GORAB: variants seen among roughly 807,000 people sequenced by gnomAD.
GORAB encodes the protein golgin, RAB6 interacting.
Under a neutral mutation model 29.9 loss-of-function variants are expected in GORAB, and 17 were observed. That is an observed-to-expected ratio of 0.57 (90% CI 0.39 to 0.85). The LOEUF (loss-of-function observed/expected upper bound fraction) is 0.85. Among genes scored for constraint, GORAB ranks in the 40% least tolerant of loss-of-function variants. GORAB has a pLI of 0.00. For missense variants in GORAB, 442 were observed against 437.8 expected (o/e 1.01, Z -0.09); for synonymous variants, 183 against 157.2 (o/e 1.16, Z -1.23).
chr1:170,548,267 T>A (rs1649882760), intron 4 of GORAB, among the ~76,000 whole-genome samples: 1 of 152,268 alleles, frequency 6.6e-6, no homozygotes, highest in South Asian at 2.1e-4. Flanking sequence ...TTTTCTTCTC[T>A]CTCTAAACTT....
chr1:170,551,353 A>G lies in GORAB; in HGVS notation c.663-662A>G, dbSNP rs1201593940. Reference sequence around the variant, plus strand: ...GCATATAGCTATCCTGAGGTTTTCTACTTGATGTTTACTTCTTGCCCTCAC... The same window carrying G: ...GCATATAGCTATCCTGAGGTTTTCTGCTTGATGTTTACTTCTTGCCCTCAC... On this transcript the variant is annotated intron_variant, in intron 4 of 4. Transcript: ENST00000367763. 3.3e-5 allele frequency among the ~76,000 whole-genome samples: 5 copies of G among 152,182 alleles called. No individual in the cohort carries two copies. The South Asian group carries it at 8.3e-4, about 25-fold the overall frequency.
intron 2 of GORAB, among the ~76,000 whole-genome samples, chr1:170,540,602 C>G (rs921392748): frequency 6.6e-6 from 1 of 152,172 alleles, no homozygotes; most frequent in Non-Finnish European, 1.5e-5. Flanking sequence ...CTATATTGAA[C>G]AAGTGCATAC....
At chr1:170,537,795 G>A (rs1168809642) in intron 1 of GORAB, among the ~76,000 whole-genome samples, 4 of 151,002 alleles carry the variant, frequency 2.6e-5, no homozygotes, top group African/African-American at 9.9e-5. Context: ...GGCCTGATTT[G>A]CTTATTGTTT....
chr1:170,551,524 T>G (rs1180908365), intron 4 of GORAB, among the ~76,000 whole-genome samples: 6 of 152,216 alleles, frequency 3.9e-5, no homozygotes, highest in Non-Finnish European at 4.4e-5. Context: ...CTTGTCTGTC[T>G]TCTCATAAAT....
intron 4 of GORAB, among the ~76,000 whole-genome samples, chr1:170,550,283 G>A (rs1217150564): frequency 6.6e-6 from 1 of 152,218 alleles, no homozygotes; most frequent in African/African-American, 2.4e-5. Flanking sequence ...GATGAGCCGG[G>A]CAAACCTATG....
At position 170,551,921 on chromosome 1, in the gene GORAB, C is replaced by T. The variant is rs796860188; in HGVS notation, c.663-94C>T. ...CGTATCTTCATTATATATTTTTTCC[C>T]AATTTTGGAGTTGAGTTATTGTTTC... On this transcript the variant is annotated intron_variant, in intron 4 of 4. Transcript: ENST00000367763. The T allele has an allele frequency of 5.5e-6, 6 of 1,089,778 alleles. No individual in the cohort carries two copies. In the African/African-American group the frequency reaches 7.8e-5, roughly 14 times the overall value. The allele number at this position is 1,089,778 out of a possible 1,614,324, so 67.5% of individuals were successfully genotyped here.
chr1:170,536,485 A>G (rs1313323680), intron 1 of GORAB: 1 of 152,234 alleles, frequency 6.6e-6, no homozygotes, highest in Admixed American at 6.5e-5. Flanking sequence ...TGTATTGAAG[A>G]GAAAGTGCAT....
chr1:170,537,643 T>C (rs897732630), intron 1 of GORAB, among the ~76,000 whole-genome samples: 1 of 152,216 alleles, frequency 6.6e-6, no homozygotes, highest in Non-Finnish European at 1.5e-5. Context: ...GACCTAAATT[T>C]TTTAATGATA....
Position 170,552,352 on chromosome 1 carries a change from G to C in GORAB, c.1000G>C (p.Val334Leu), listed in dbSNP as rs766701639. 12 of 1,614,002 alleles carry C rather than the reference G, an allele frequency of 7.4e-6. No individual in the cohort carries two copies. Residue 334 changes from valine to leucine, a missense_variant, in exon 5 of 5, where the codon GTT (valine) becomes CTT (leucine). Transcript: ENST00000367763. ...KENRKCQEQA[V>L]SPKVDDQCGN... ...GAACAGAAAGTGTCAAGAACAAGCT[G>C]TTTCCCCAAAGGTAGATGACCAGTG...
intron 2 of GORAB, among the ~76,000 whole-genome samples, chr1:170,540,620 T>C (rs1649356710): frequency 6.6e-6 from 1 of 152,228 alleles, no homozygotes; most frequent in South Asian, 2.1e-4. Flanking sequence ...TACATTAAAG[T>C]GTCTCTAAGT....
intron 1 of GORAB, chr1:170,536,215 T>G (rs1367952758): frequency 6.6e-6 from 1 of 152,196 alleles, no homozygotes; most frequent in Non-Finnish European, 1.5e-5. Context: ...TTTTGTTAGA[T>G]TTGTTCCTAG....
intron 4 of GORAB, among the ~76,000 whole-genome samples, chr1:170,548,348 C>CCT (rs76021675): frequency 0.98 from 149,574 of 152,332 alleles, 73,439 homozygotes; most frequent in East Asian, 1. Flanking sequence ...GGAATAAACT[C>CCT]CTCAAAACCT....
chr1:170,538,348 G>T (rs1393383281), intron 1 of GORAB, among the ~76,000 whole-genome samples: 1 of 152,126 alleles, frequency 6.6e-6, no homozygotes, highest in Admixed American at 6.5e-5. Flanking sequence ...TCATTTACAA[G>T]AACTGATAAC....
intron 4 of GORAB, among the ~76,000 whole-genome samples, chr1:170,550,954 A>G (rs1650065717): frequency 6.6e-6 from 1 of 152,210 alleles, no homozygotes; most frequent in Non-Finnish European, 1.5e-5. Flanking sequence ...AATGCAGAAG[A>G]AAAAAAGTGA....
At position 170,552,393 on chromosome 1, in the gene GORAB, C is replaced by T. The variant is rs745604210; in HGVS notation, c.1041C>T (p.Ser347=). 3 of 1,613,992 alleles carry T rather than the reference C, an allele frequency of 1.9e-6. No individual in the cohort carries two copies. Among genetic ancestry groups the T allele is most frequent in the Admixed American group, 1.7e-5 (1 of 60,006 alleles). The stretch of plus-strand genomic sequence containing the variant: ...ATGACCAGTGTGGAAATTCCAGTAG[C>T]ATCCCCTTTCTTAGTCCAAACTGCC... ...KVDDQCGNSS[S]IPFLSPNCPN... Residue 347 remains serine, a synonymous_variant, in exon 5 of 5, where the codon AGC becomes AGT. Transcript: ENST00000367763.
At position 170,552,982 on chromosome 1, in the gene GORAB, C is replaced by T. The variant is rs1327969535; in HGVS notation, c.*520C>T. 2.2e-6 allele frequency: 1 copy of T among 452,610 alleles called. No homozygotes were observed. The highest frequency in any genetic ancestry group is 4.4e-6 in the Non-Finnish European group (1 of 226,434). 28.0% of individuals were successfully genotyped at this position (452,610 alleles called of 1,614,324 possible). On this transcript the variant is annotated 3_prime_UTR_variant, in exon 5 of 5. Transcript: ENST00000367763. ...TCTGGATATTACTAGAGTTGTAAAA[C>T]ACAACTTGGAAACTGGAATTTATGT...
intron 4 of GORAB, among the ~76,000 whole-genome samples, chr1:170,546,981 G>T (rs925876944): frequency 1.4e-4 from 21 of 152,156 alleles, no homozygotes; most frequent in Non-Finnish European, 2.6e-4. Context: ...CACCACGCCT[G>T]GCCATGTGCT....
At chr1:170,532,307 G>T (rs749314465) in intron 1 of GORAB, 23 bp downstream of exon 1, 5 of 1,613,410 alleles carry the variant, frequency 3.1e-6, no homozygotes, top group Admixed American at 3.3e-5. Flanking sequence ...GTTTACAGTG[G>T]TTTAATTCTT....
In GORAB at chr1:170,553,442, A is replaced by T. The variant is rs544243091; in HGVS notation, c.*980A>T. 17 of 446,940 alleles carry T rather than the reference A, an allele frequency of 3.8e-5. No individual in the cohort carries two copies. The highest frequency in any genetic ancestry group is 1.2e-4 in the Admixed American group (5 of 41,548). The allele number at this position is 446,940 out of a possible 1,614,324, so 27.7% of individuals were successfully genotyped here. ...TGTAAATAAATATTGTAATTTTCTC[A>T]CAAAGTCTGTGAATATCACATTATG... On this transcript the variant is annotated 3_prime_UTR_variant, in exon 5 of 5. Transcript: ENST00000367763.
Sources: gnomAD v4.1 joint callset for allele counts (sites outside exome capture counted in the v4.1 genomes callset) on GRCh38, gnomAD v4.1.1 for gene constraint, MANE v1.5 for transcripts, NCBI Gene and HGNC (gene_info 2026-07-23, HGNC 2026-07-21) for gene names.